The following FCRLA variants were observed in gnomAD, a reference collection of about 807,000 sequenced individuals.
FCRLA encodes Fc receptor-like A.
In FCRLA, 26 loss-of-function variants were observed where a neutral mutation model predicts 28.4. The observed-to-expected ratio is 0.91, with a 90% CI of 0.67 to 1.27. FCRLA has a LOEUF of 1.27. FCRLA is among the 50% of genes most tolerant of loss of function. FCRLA has a pLI of 0.00. For synonymous variants in FCRLA, 174 were observed against 168.5 expected (o/e 1.03, Z -0.25); for missense variants, 422 against 433.1 (o/e 0.97, Z 0.23).
chr1:161,712,994 T>C, intron 4 of FCRLA, 91 bp from the exon 5 acceptor site: 1 of 1,459,984 alleles, frequency 6.8e-7, no homozygotes, highest in South Asian at 1.4e-5. Flanking sequence ...CCACAGCCAC[T>C]TTCAGAGAAC....
chr1:161,710,615 G>A (rs1683044783), intron 1 of FCRLA, 145 bp from the exon 2 acceptor site: 2 of 1,390,324 alleles, frequency 1.4e-6, no homozygotes, highest in South Asian at 1.2e-5. Context: ...ACTCTCAGGG[G>A]TCTTTCCGAA....
chr1:161,713,626 T>C lies in FCRLA; in HGVS notation c.*246T>C. On this transcript the variant is annotated 3_prime_UTR_variant, in exon 5 of 5. Coordinates refer to ENST00000236938, the MANE Select transcript of FCRLA (RefSeq NM_032738.4). The stretch of plus-strand genomic sequence containing the variant: ...CTAGATCAGGAATTTCTATCTGTTA[T>C]ATCGACCAGAATGTTGTGATTTAAA... 2.5e-6 allele frequency: 1 copy of C among 406,184 alleles called. No homozygotes were observed. The allele number at this position is 406,184 out of a possible 1,614,324, so 25.2% of individuals were successfully genotyped here.
rs891899006 is a variant in FCRLA, at chr1:161,713,576, T to G, written c.*196T>G. 4 of 542,896 alleles carry G rather than the reference T, an allele frequency of 7.4e-6. No homozygotes were observed. The African/African-American group carries it at 7.6e-5, about 10-fold the overall frequency. The allele number at this position is 542,896 out of a possible 1,614,324, so 33.6% of individuals were successfully genotyped here. ...AGTTTAGCTATAATTGTGTATTCTC[T>G]CTTAACACAACAGAATTCTGCTGTC... is the stretch of plus-strand genomic sequence containing the variant. On this transcript the variant is annotated 3_prime_UTR_variant, in exon 5 of 5. Transcript: ENST00000236938.
In FCRLA at chr1:161,713,275, C is replaced by G. The variant is rs1571070165; in HGVS notation, c.975C>G (p.Leu325=). Residue 325 remains leucine, a synonymous_variant, in exon 5 of 5, where the codon CTC becomes CTG. Transcript: ENST00000236938. ...PHLYHQMGLL[L]KHMQDVRVLL... ...TGTATCACCAGATGGGCCTTCTTCTCAAACACATGCAGGATGTGAGAGTCC... is the reference window on the plus strand; with the variant it reads ...TGTATCACCAGATGGGCCTTCTTCTGAAACACATGCAGGATGTGAGAGTCC... 13 of 1,614,256 alleles carry G rather than the reference C, an allele frequency of 8.1e-6. No individual in the cohort carries two copies. Among genetic ancestry groups the G allele is most frequent in the Non-Finnish European group, 1.0e-5 (12 of 1,180,042 alleles).
At chr1:161,711,609 T>A in intron 3 of FCRLA, 135 bp downstream of exon 3, 4 of 1,209,924 alleles carry the variant, frequency 3.3e-6, no homozygotes, top group Non-Finnish European at 4.6e-6. Flanking sequence ...ATGCCCAAGT[T>A]GGGCTTCGAA....
At chr1:161,711,539 T>A (rs1683103745) in intron 3 of FCRLA, 65 bp downstream of exon 3, 1 of 1,543,026 alleles carries the variant, frequency 6.5e-7, no homozygotes, top group South Asian at 1.3e-5. Flanking sequence ...GCCCAAATTG[T>A]CTTTCTTTAG....
At position 161,707,335 on chromosome 1, in the gene FCRLA, T is replaced by C; in HGVS notation, c.71T>C (p.Met24Thr). 4 of 1,588,280 alleles carry C rather than the reference T, an allele frequency of 2.5e-6. No homozygotes were observed. The highest frequency in any genetic ancestry group is 3.4e-6 in the Non-Finnish European group (4 of 1,171,106). Residue 24 changes from methionine to threonine, a missense_variant, in exon 1 of 5, where the codon ATG (methionine) becomes ACG (threonine). Met to Thr is a moderately conservative substitution (Grantham distance 81, BLOSUM62 -1). Transcript: ENST00000236938. ...CTTGGTGTGCTCTGGGTGGCCCAGATGCTACTGGGTAAGTAAAATATTTGA... is the reference window on the plus strand; with the variant it reads ...CTTGGTGTGCTCTGGGTGGCCCAGACGCTACTGGGTAAGTAAAATATTTGA... Reference protein sequence around the residue: ...LSLGVLWVAQMLLAASFETLQ... With the variant: ...LSLGVLWVAQTLLAASFETLQ...
Position 161,707,289 on chromosome 1 carries a change from G to T in FCRLA, c.25G>T (p.Ala9Ser). The T allele has an allele frequency of 2.5e-6, 4 of 1,613,894 alleles. No individual in the cohort carries two copies. Among genetic ancestry groups the T allele is most frequent in the Non-Finnish European group, 3.4e-6 (4 of 1,179,900 alleles). Residue 9 changes from alanine to serine, a missense_variant, in exon 1 of 5, where the codon GCC (alanine) becomes TCC (serine). Ala to Ser is a moderately conservative substitution (Grantham distance 99). This residue lies in a region of FCRLA where 231 missense variants were observed against 214.6 expected (regional missense o/e 1.08). Transcript: ENST00000236938. ...CATGAAGCTGGGCTGTGTCCTCATGGCCTGGGCCCTCTACCTTTCCCTTGG... is the reference window on the plus strand; with the variant it reads ...CATGAAGCTGGGCTGTGTCCTCATGTCCTGGGCCCTCTACCTTTCCCTTGG... Reference protein sequence around the residue: MKLGCVLMAWALYLSLGVL... With the variant: MKLGCVLMSWALYLSLGVL...
Position 161,714,277 on chromosome 1 carries a change from G to C in FCRLA, c.*897G>C, listed in dbSNP as rs576248803. On this transcript the variant is annotated 3_prime_UTR_variant, in exon 5 of 5. Transcript: ENST00000236938. The stretch of plus-strand genomic sequence containing the variant: ...CAAAAAACAGCTGTCGCCAAACACC[G>C]ACTCTGTCGTTGCCTTGATCTTGAA... 1 of 152,222 alleles carries C rather than the reference G, an allele frequency of 6.6e-6. No individual in the cohort carries two copies. Among genetic ancestry groups the C allele is most frequent in the Non-Finnish European group, 1.5e-5 (1 of 68,024 alleles). 9.4% of individuals were successfully genotyped at this position (152,222 alleles called of 1,614,324 possible).
chr1:161,708,576 A>G (rs2101651440), intron 1 of FCRLA, among the ~76,000 whole-genome samples: 1 of 152,306 alleles, frequency 6.6e-6, no homozygotes, highest in Middle Eastern at 3.4e-3. Flanking sequence ...TCAGCCTTGT[A>G]ACTTATGCTC....
At chr1:161,709,048 C>T (rs1454659568) in intron 1 of FCRLA, among the ~76,000 whole-genome samples, 1 of 152,192 alleles carries the variant, frequency 6.6e-6, no homozygotes, top group Admixed American at 6.5e-5. Flanking sequence ...TCAGTTTTCT[C>T]ATTTGTAGAA....
chr1:161,708,540 G>T (rs144127073), intron 1 of FCRLA, among the ~76,000 whole-genome samples: 1 of 152,292 alleles, frequency 6.6e-6, no homozygotes, highest in East Asian at 1.9e-4. Flanking sequence ...GGCACAAAAG[G>T]CCAAGCAGCC....
chr1:161,713,160 A>C lies in FCRLA; in HGVS notation c.860A>C (p.Glu287Ala). The C allele has an allele frequency of 5.6e-6, 9 of 1,614,192 alleles. No individual in the cohort carries two copies. The highest frequency in any genetic ancestry group is 1.1e-5 in the South Asian group (1 of 91,086). ...QKSAAPGTAP[E>A]EAPGPLPPPP... ...TCAGCTGCTCCAGGAACTGCTCCTGAGGAGGCCCCTGGGCCTCTGCCTCCG... is the reference window on the plus strand; with the variant it reads ...TCAGCTGCTCCAGGAACTGCTCCTGCGGAGGCCCCTGGGCCTCTGCCTCCG... Residue 287 changes from glutamate (E) to alanine (A), a missense_variant, in exon 5 of 5, where the codon GAG (glutamate) becomes GCG (alanine). Glu to Ala is a moderately radical substitution (Grantham distance 107, BLOSUM62 -1). Around this residue, in one of 3 missense-constraint regions of FCRLA, gnomAD observed 185 missense variants for 198.1 expected, o/e 0.93. Transcript: ENST00000236938.
rs746430361 is a variant in FCRLA, at chr1:161,711,923, CT to C, written c.500-6del. On this transcript the variant is annotated splice_polypyrimidine_tract_variant and intron_variant, in intron 3 of 4. Coordinates refer to ENST00000236938, the MANE Select transcript of FCRLA (RefSeq NM_032738.4). ...GGCTGAGCTCTTCTTTCCTGCCTAT[CT>C]TTTTCCCAGAACTGTTTCCAGCGCC... 1.3e-6 allele frequency: 2 copies of C among 1,598,382 alleles called. No homozygotes were observed. Among genetic ancestry groups the C allele is most frequent in the Admixed American group, 1.7e-5 (1 of 58,022 alleles).
intron 1 of FCRLA, among the ~76,000 whole-genome samples, chr1:161,709,494 G>T (rs1485109594): frequency 6.6e-6 from 1 of 152,116 alleles, no homozygotes; most frequent in Non-Finnish European, 1.5e-5. Flanking sequence ...TGACAGTGGA[G>T]GAACTGAAAA....
In FCRLA at chr1:161,711,178, G is replaced by C. The variant is rs1366296001; in HGVS notation, c.233-30G>C. 3.8e-6 allele frequency: 6 copies of C among 1,590,622 alleles called. No individual in the cohort carries two copies. In the East Asian group the frequency reaches 1.3e-4, roughly 36 times the overall value. On this transcript the variant is annotated intron_variant, in intron 2 of 4. Coordinates refer to ENST00000236938, the MANE Select transcript of FCRLA (RefSeq NM_032738.4). ...GGGTGGCCCCCAAGGGAGGCCCTGGGTGACACTCAGCTCTTTCTCTGGACC... is the reference window on the plus strand; with the variant it reads ...GGGTGGCCCCCAAGGGAGGCCCTGGCTGACACTCAGCTCTTTCTCTGGACC...
At chr1:161,707,391 C>T in intron 1 of FCRLA, 48 bp downstream of exon 1, 1 of 1,526,388 alleles carries the variant, frequency 6.6e-7, no homozygotes, top group Non-Finnish European at 8.8e-7. Context: ...CTTTGCTTAC[C>T]TTGGGAGAAA....
Position 161,711,219 on chromosome 1 carries a change from C to T in FCRLA, c.244C>T (p.Leu82Phe), listed in dbSNP as rs767222473. 5.0e-6 allele frequency: 8 copies of T among 1,613,074 alleles called. No individual in the cohort carries two copies. Among genetic ancestry groups the T allele is most frequent in the Non-Finnish European group, 6.8e-6 (8 of 1,179,350 alleles). The change falls in exon 3 of 5, where the codon CTC (leucine) becomes TTC (phenylalanine). Residue 82 changes from leucine to phenylalanine, a missense_variant. Physicochemically the swap from Leu to Phe is conservative, Grantham distance 22. Coordinates refer to ENST00000236938, the MANE Select transcript of FCRLA (RefSeq NM_032738.4). ...HLIVSYDWLI[L>F]QGPAKPVFEG... The stretch of plus-strand genomic sequence containing the variant: ...TCTCTGGACCATAGACTGGCTGATC[C>T]TCCAAGGTCCAGCCAAGCCAGTTTT...
In FCRLA at chr1:161,713,266, C is replaced by A. The variant is rs765950399; in HGVS notation, c.966C>A (p.Gly322=). The A allele has an allele frequency of 1.9e-6, 3 of 1,614,154 alleles. No homozygotes were observed. The highest frequency in any genetic ancestry group is 2.5e-6 in the Non-Finnish European group (3 of 1,180,000). The change falls in exon 5 of 5, where the codon GGC becomes GGA. Residue 322 remains glycine, a synonymous_variant. Transcript: ENST00000236938. ...ATCCTCATCTGTATCACCAGATGGG[C>A]CTTCTTCTCAAACACATGCAGGATG... is the stretch of plus-strand genomic sequence containing the variant. ...MPDPHLYHQM[G]LLLKHMQDVR...
Sources: allele counts gnomAD v4.1 joint callset (sites outside exome capture counted in the v4.1 genomes callset), GRCh38; gene constraint gnomAD v4.1.1; regional missense constraint gnomAD v4.1.1; transcripts MANE v1.5; gene names NCBI Gene and HGNC (gene_info 2026-07-23, HGNC 2026-07-21).